RNF180: variants seen among roughly 807,000 people sequenced by gnomAD.
RNF180 encodes the protein E3 ubiquitin-protein ligase RNF180.
A neutral mutation model predicts 59.2 loss-of-function variants in RNF180; 38 were observed. That is an observed-to-expected ratio of 0.64 (90% CI 0.50 to 0.84). RNF180 has a LOEUF of 0.84. Among genes scored for constraint, RNF180 ranks in the 40% least tolerant of loss-of-function variants. The pLI is 0.00. For missense variants in RNF180, 705 were observed against 700.9 expected (o/e 1.01, Z -0.07); for synonymous variants, 262 against 240.3 (o/e 1.09, Z -0.84).
At chr5:64,198,171 C>T (rs1372291257) in intron 1 of RNF180, among the ~76,000 whole-genome samples, 1 of 152,146 alleles carries the variant, frequency 6.6e-6, no homozygotes, top group Non-Finnish European at 1.5e-5. Flanking sequence ...TCAACATGTA[C>T]TTAAAAATAT....
chr5:64,221,471 G>A (rs188597644), intron 5 of RNF180, among the ~76,000 whole-genome samples: 120 of 152,100 alleles, frequency 7.9e-4, no homozygotes, highest in African/African-American at 2.9e-3. Flanking sequence ...TTCAGTATAA[G>A]TTTGTTACTC....
chr5:64,298,128 A>G (rs1479220667), intron 5 of RNF180, among the ~76,000 whole-genome samples: 1 of 151,546 alleles, frequency 6.6e-6, no homozygotes, highest in Non-Finnish European at 1.5e-5. Context: ...TTGGTTTTCT[A>G]CTCCTGCATT....
At chr5:64,242,943 C>T (rs1742888378) in intron 5 of RNF180, among the ~76,000 whole-genome samples, 1 of 152,116 alleles carries the variant, frequency 6.6e-6, no homozygotes, top group South Asian at 2.1e-4. Flanking sequence ...AGAGGGTGAG[C>T]CAAAGCAGGG....
intron 5 of RNF180, among the ~76,000 whole-genome samples, chr5:64,244,588 G>A (rs938234485): frequency 3.3e-5 from 5 of 152,226 alleles, no homozygotes; most frequent in African/African-American, 1.2e-4. Context: ...ATGGGACTAT[G>A]TGAAAAGACC....
At chr5:64,352,799 A>G (rs1745869088) in intron 7 of RNF180, among the ~76,000 whole-genome samples, 1 of 152,026 alleles carries the variant, frequency 6.6e-6, no homozygotes, top group Non-Finnish European at 1.5e-5. Context: ...GAATTTTCTT[A>G]AAGTTTGAAA....
chr5:64,343,620 A>C (rs1454431591), intron 7 of RNF180, among the ~76,000 whole-genome samples: 3 of 151,584 alleles, frequency 2.0e-5, no homozygotes, highest in Admixed American at 6.6e-5. Context: ...AAACATCTAG[A>C]AAAAAAAGTT....
At chr5:64,283,705 C>A (rs1742131457) in intron 5 of RNF180, among the ~76,000 whole-genome samples, 2 of 152,170 alleles carry the variant, frequency 1.3e-5, no homozygotes, top group Non-Finnish European at 2.9e-5. Context: ...AGGTGCCTTG[C>A]TTCCCCTTTG....
intron 1 of RNF180, among the ~76,000 whole-genome samples, chr5:64,186,045 A>G (rs1750856657): frequency 6.6e-6 from 1 of 152,168 alleles, no homozygotes; most frequent in African/African-American, 2.4e-5. Context: ...TCTGCTAGGA[A>G]ATACCTGCTT....
At chr5:64,350,791 A>T (rs181545556) in intron 7 of RNF180, among the ~76,000 whole-genome samples, 2 of 152,164 alleles carry the variant, frequency 1.3e-5, no homozygotes, top group African/African-American at 4.8e-5. Flanking sequence ...TACCAGTACC[A>T]TGCGGTTTTG....
intron 7 of RNF180, among the ~76,000 whole-genome samples, chr5:64,345,848 C>G (rs1745532495): frequency 6.6e-6 from 1 of 151,922 alleles, no homozygotes; most frequent in African/African-American, 2.4e-5. Context: ...ATTTTAGATC[C>G]AAAAAAATCC....
intron 5 of RNF180, among the ~76,000 whole-genome samples, chr5:64,236,768 C>T (rs1264648724): frequency 1.3e-5 from 2 of 152,184 alleles, no homozygotes; most frequent in Non-Finnish European, 1.5e-5. Flanking sequence ...TGTGTCCCAG[C>T]TGCTCTAGCC....
intron 5 of RNF180, among the ~76,000 whole-genome samples, chr5:64,319,736 C>T (rs558179256): frequency 7.8e-4 from 119 of 152,202 alleles, no homozygotes; most frequent in African/African-American, 2.7e-3. Flanking sequence ...AGAAGTGTTC[C>T]CTTTTAATAG....
At chr5:64,360,285 A>T (rs1183337836) in intron 7 of RNF180, among the ~76,000 whole-genome samples, 1 of 151,862 alleles carries the variant, frequency 6.6e-6, no homozygotes, top group Non-Finnish European at 1.5e-5. Flanking sequence ...AATGTAATCC[A>T]GCATATAAAC....
At chr5:64,296,776 A>G (rs1742904962) in intron 5 of RNF180, among the ~76,000 whole-genome samples, 1 of 152,132 alleles carries the variant, frequency 6.6e-6, no homozygotes. Flanking sequence ...GGAAATGCAT[A>G]GTTGGAGCTT....
intron 5 of RNF180, among the ~76,000 whole-genome samples, chr5:64,223,248 A>G (rs1741465857): frequency 6.6e-6 from 1 of 152,072 alleles, no homozygotes; most frequent in Middle Eastern, 3.4e-3. Context: ...TTCTTTCATC[A>G]CATCTTCTTT....
At chr5:64,205,246 T>C (rs1751956722) in intron 2 of RNF180, among the ~76,000 whole-genome samples, 1 of 152,138 alleles carries the variant, frequency 6.6e-6, no homozygotes, top group Non-Finnish European at 1.5e-5. Flanking sequence ...GAATTTGAAT[T>C]GTAAGGGAAA....
chr5:64,321,237 G>A (rs1002726887), intron 5 of RNF180, among the ~76,000 whole-genome samples: 5 of 152,040 alleles, frequency 3.3e-5, no homozygotes, highest in Non-Finnish European at 7.4e-5. Context: ...TCAAATTGTC[G>A]CTGTTGCAGA....
intron 1 of RNF180, among the ~76,000 whole-genome samples, chr5:64,199,938 A>C (rs568905743): frequency 5.9e-5 from 9 of 152,334 alleles, no homozygotes; most frequent in Non-Finnish European, 1.3e-4. Flanking sequence ...TGTAGTATAT[A>C]GTTAACTGTT....
chr5:64,333,251 C>T (rs1744989306), intron 7 of RNF180, among the ~76,000 whole-genome samples: 2 of 152,120 alleles, frequency 1.3e-5, no homozygotes, highest in Admixed American at 6.5e-5. Flanking sequence ...AATCTCAGCT[C>T]ACTACAACCT....
Sources: gnomAD v4.1 joint callset for allele counts (sites outside exome capture counted in the v4.1 genomes callset) on GRCh38, gnomAD v4.1.1 for gene constraint, MANE v1.5 for transcripts, NCBI Gene and HGNC (gene_info 2026-07-23, HGNC 2026-07-21) for gene names.